The following GPM6A variants were observed in gnomAD, a reference collection of about 807,000 sequenced individuals.
The protein encoded by GPM6A is neuronal membrane glycoprotein M6-a.
GPM6A carries 7 observed loss-of-function variants against 32.1 expected under a neutral mutation model. The ratio of observed to expected loss-of-function variants is 0.22; its 90% CI spans 0.12 to 0.41. The LOEUF is 0.41. GPM6A is among the 10% of genes least tolerant of loss of function. The probability of loss-of-function intolerance (pLI) is 1.00; values close to 1 mark genes in which losing one functional copy is unlikely to be tolerated. For synonymous variants in GPM6A, 130 were observed against 123.4 expected (o/e 1.05, Z -0.35); for missense variants, 235 against 347.2 (o/e 0.68, Z 2.57).
intron 1 of GPM6A, among the ~76,000 whole-genome samples, chr4:175,758,557 T>A (rs1732620106): frequency 6.6e-6 from 1 of 152,162 alleles, no homozygotes. Context: ...GCAGAGAGTG[T>A]CAATTGATCC....
intron 1 of GPM6A, among the ~76,000 whole-genome samples, chr4:175,804,597 T>C (rs776165179): frequency 3.3e-5 from 5 of 152,210 alleles, no homozygotes; most frequent in Non-Finnish European, 7.3e-5. Context: ...ACACTGCATA[T>C]GAAATGCTTA....
intron 1 of GPM6A, chr4:175,962,243 C>T (rs1740190758): frequency 1.6e-5 from 21 of 1,351,500 alleles, no homozygotes; most frequent in Non-Finnish European, 1.9e-5. Context: ...ACATTGACCT[C>T]CTATATGTCA....
At chr4:175,783,066 T>C (rs1392507241) in intron 1 of GPM6A, among the ~76,000 whole-genome samples, 1 of 152,006 alleles carries the variant, frequency 6.6e-6, no homozygotes, top group Non-Finnish European at 1.5e-5. Flanking sequence ...GTTTATTTAA[T>C]TTGCTTGTGA....
chr4:175,636,271 T>TATATATATATATATATATAC (rs1740590481), intron 6 of GPM6A, among the ~76,000 whole-genome samples: 1 of 57,780 alleles, frequency 1.7e-5, no homozygotes, highest in South Asian at 5.2e-4. Flanking sequence ...TATATATATA[T>TATATATATATATATATATAC]ATATATATAT....
At chr4:175,890,245 T>C (rs1737598702) in intron 1 of GPM6A, among the ~76,000 whole-genome samples, 1 of 152,180 alleles carries the variant, frequency 6.6e-6, no homozygotes, top group Non-Finnish European at 1.5e-5. Context: ...AACTTGACAA[T>C]ATTTAGTAAA....
intron 1 of GPM6A, among the ~76,000 whole-genome samples, chr4:175,899,784 G>A (rs1737897799): frequency 6.6e-6 from 1 of 151,916 alleles, no homozygotes; most frequent in African/African-American, 2.4e-5. Context: ...AAAAAAATGG[G>A]GAAAATCTAC....
chr4:175,713,029 A>G (rs919176570), intron 1 of GPM6A, among the ~76,000 whole-genome samples: 1 of 151,930 alleles, frequency 6.6e-6, no homozygotes, highest in African/African-American at 2.4e-5. Context: ...AAATTATCCA[A>G]AGAATAGTAG....
chr4:175,662,030 A>T (rs189293524), intron 3 of GPM6A, among the ~76,000 whole-genome samples: 1 of 152,234 alleles, frequency 6.6e-6, no homozygotes, highest in Non-Finnish European at 1.5e-5. Flanking sequence ...TTTAAAAAAA[A>T]TTACATCCAG....
intron 2 of GPM6A, among the ~76,000 whole-genome samples, chr4:175,697,342 T>C (rs753752225): frequency 2.0e-5 from 3 of 152,148 alleles, no homozygotes. Flanking sequence ...AAATGACTTA[T>C]GAAGCACAGT....
chr4:175,637,885 T>TTATATATA (rs137911086), intron 6 of GPM6A, among the ~76,000 whole-genome samples: 1 of 122,868 alleles, frequency 8.1e-6, no homozygotes, highest in African/African-American at 3.2e-5. Context: ...TATTTATATA[T>TTATATATA]TATATATATA....
intron 2 of GPM6A, among the ~76,000 whole-genome samples, chr4:175,698,219 A>G (rs986388058): frequency 2.6e-5 from 4 of 152,200 alleles, no homozygotes; most frequent in African/African-American, 9.6e-5. Flanking sequence ...TTTAGTTCAC[A>G]CATCCAGTAA....
At chr4:175,665,031 A>AG (rs1742658540) in intron 3 of GPM6A, among the ~76,000 whole-genome samples, 1 of 152,214 alleles carries the variant, frequency 6.6e-6, no homozygotes, top group African/African-American at 2.4e-5. Context: ...ATCTAACCAT[A>AG]GAAAAAGTAC....
intron 1 of GPM6A, among the ~76,000 whole-genome samples, chr4:175,904,455 TAC>T (rs1016253441): frequency 6.6e-6 from 1 of 152,114 alleles, no homozygotes; most frequent in African/African-American, 2.4e-5. Flanking sequence ...CACATATATA[TAC>T]ACACACATAC....
intron 1 of GPM6A, among the ~76,000 whole-genome samples, chr4:175,725,177 T>C (rs1359453921): frequency 1.3e-5 from 2 of 152,160 alleles, no homozygotes; most frequent in African/African-American, 2.4e-5. Context: ...AAAATACATG[T>C]ATAGTAATTA....
chr4:175,889,551 C>T (rs559016035), intron 1 of GPM6A, among the ~76,000 whole-genome samples: 10 of 149,144 alleles, frequency 6.7e-5, no homozygotes, highest in Admixed American at 2.7e-4. Flanking sequence ...CGCAGTGGCT[C>T]GCGCCTGTAA....
chr4:175,712,483 C>T (rs1745610577), intron 1 of GPM6A, among the ~76,000 whole-genome samples: 1 of 152,194 alleles, frequency 6.6e-6, no homozygotes, highest in African/African-American at 2.4e-5. Flanking sequence ...GTGCTTTCAA[C>T]TAAATTTAAA....
chr4:175,818,208 T>C (rs908799681), intron 1 of GPM6A, among the ~76,000 whole-genome samples: 7 of 152,236 alleles, frequency 4.6e-5, no homozygotes, highest in Admixed American at 4.6e-4. Context: ...CCCCTGCTGT[T>C]CATTCATTCA....
At chr4:175,720,122 G>A (rs1470107227) in intron 1 of GPM6A, among the ~76,000 whole-genome samples, 2 of 152,088 alleles carry the variant, frequency 1.3e-5, no homozygotes, top group Non-Finnish European at 2.9e-5. Context: ...TGCTTCTTTT[G>A]ATCATATCTC....
intron 1 of GPM6A, among the ~76,000 whole-genome samples, chr4:175,733,221 T>G (rs2581745): frequency 6.6e-6 from 1 of 151,844 alleles, no homozygotes; most frequent in Non-Finnish European, 1.5e-5. Context: ...AAAATAAACT[T>G]GGCAGTGTGC....
Sources: gnomAD v4.1 joint callset for allele counts (sites outside exome capture counted in the v4.1 genomes callset) on GRCh38, gnomAD v4.1.1 for gene constraint, MANE v1.5 for transcripts, NCBI Gene and HGNC (gene_info 2026-07-23, HGNC 2026-07-21) for gene names.